Variants in RAB3C observed in about 807,000 individuals in gnomAD.
RAB3C encodes the protein RAB3C, member RAS oncogene family.
In RAB3C, 17 loss-of-function variants were observed where a neutral mutation model predicts 26.4. That is an observed-to-expected ratio of 0.64 (90% CI 0.44 to 0.97). The LOEUF is 0.97. Ranked by LOEUF, RAB3C falls within the 50% of genes least tolerant of loss-of-function variation. The pLI is 0.00. For synonymous variants in RAB3C, 91 were observed against 95.9 expected, an observed-to-expected ratio of 0.95 and a Z score of 0.30; for missense variants, 242 against 281.9, an observed-to-expected ratio of 0.86 and a Z score of 1.01.
intron 1 of RAB3C, among the ~76,000 whole-genome samples, chr5:58,614,772 C>A (rs1746790169): frequency 6.6e-6 from 1 of 152,100 alleles, no homozygotes; most frequent in Non-Finnish European, 1.5e-5. Flanking sequence ...ATAGTTCACC[C>A]TTCATATACA....
intron 1 of RAB3C, among the ~76,000 whole-genome samples, chr5:58,610,078 C>T (rs573872206): frequency 1.3e-5 from 2 of 152,062 alleles, no homozygotes; most frequent in African/African-American, 4.8e-5. Context: ...CAGGAGAAAT[C>T]GCCTGGAGTC....
chr5:58,807,013 T>C (rs1296997455), intron 3 of RAB3C, among the ~76,000 whole-genome samples: 1 of 152,112 alleles, frequency 6.6e-6, no homozygotes, highest in Admixed American at 6.6e-5. Flanking sequence ...TTAGCAAGAT[T>C]TGAATAGTGG....
At chr5:58,654,307 T>G (rs1029268628) in intron 2 of RAB3C, among the ~76,000 whole-genome samples, 1 of 152,180 alleles carries the variant, frequency 6.6e-6, no homozygotes, top group Non-Finnish European at 1.5e-5. Context: ...GGTAGAGGAT[T>G]TATGGATTCT....
At chr5:58,661,580 T>C (rs1747906287) in intron 2 of RAB3C, among the ~76,000 whole-genome samples, 2 of 148,130 alleles carry the variant, frequency 1.4e-5, no homozygotes, top group Non-Finnish European at 2.9e-5. Context: ...CTAGATGAAA[T>C]AGATCTAGCT....
At chr5:58,749,377 A>G (rs1161590657) in intron 3 of RAB3C, among the ~76,000 whole-genome samples, 1 of 152,222 alleles carries the variant, frequency 6.6e-6, no homozygotes, top group African/African-American at 2.4e-5. Flanking sequence ...TGGAGCACAC[A>G]TTCTGCTAGG....
At chr5:58,804,667 ATGTG>A (rs142259686) in intron 3 of RAB3C, among the ~76,000 whole-genome samples, 1 of 149,402 alleles carries the variant, frequency 6.7e-6, no homozygotes, top group East Asian at 2.0e-4. Flanking sequence ...TGGGGTGCAT[ATGTG>A]TGTGTGTGTG....
chr5:58,593,778 A>G (rs1746186645), intron 1 of RAB3C, among the ~76,000 whole-genome samples: 1 of 152,184 alleles, frequency 6.6e-6, no homozygotes, highest in Non-Finnish European at 1.5e-5. Context: ...TTTTGCATTC[A>G]CTAAACAATG....
At chr5:58,616,572 G>A (rs1392060362) in intron 1 of RAB3C, among the ~76,000 whole-genome samples, 1 of 152,136 alleles carries the variant, frequency 6.6e-6, no homozygotes. Context: ...TCCACCTAAA[G>A]CATTTGTAAT....
intron 4 of RAB3C, among the ~76,000 whole-genome samples, chr5:58,833,199 G>T (rs1743656136): frequency 6.6e-6 from 1 of 152,104 alleles, no homozygotes; most frequent in African/African-American, 2.4e-5. Flanking sequence ...ACAGGAAGCA[G>T]AGATTCCAAT....
At chr5:58,711,450 C>T (rs1240866723) in intron 2 of RAB3C, among the ~76,000 whole-genome samples, 2 of 152,140 alleles carry the variant, frequency 1.3e-5, no homozygotes, top group Non-Finnish European at 2.9e-5. Context: ...GAAACATGCA[C>T]AGAGAGGTTA....
rs533145407 is a variant in RAB3C, at chr5:58,718,209, GT to G, written c.253-7792del. Reference sequence around the variant, plus strand: ...TAATTAGAAGGAAAGCAAAAATGATGTCTTCTCCTGCCTTTGTGTTAAACAT... The same window carrying G: ...TAATTAGAAGGAAAGCAAAAATGATGCTTCTCCTGCCTTTGTGTTAAACAT... On this transcript the variant is annotated intron_variant, in intron 2 of 4. Coordinates refer to ENST00000282878, the MANE Select transcript of RAB3C (RefSeq NM_138453.4). Among the ~76,000 whole-genome samples the G allele has an allele frequency of 2.4e-3, 371 of 152,166 alleles. 2 individuals are homozygous for G. Among genetic ancestry groups the G allele is most frequent in the African/African-American group, 8.2e-3 (342 of 41,544 alleles).
At chr5:58,850,871 TA>T (rs2112090819) in intron 4 of RAB3C, among the ~76,000 whole-genome samples, 1 of 152,330 alleles carries the variant, frequency 6.6e-6, no homozygotes, top group Non-Finnish European at 1.5e-5. Flanking sequence ...TGCAATAGAA[TA>T]TTTTTAATCT....
At chr5:58,803,635 G>A (rs1742863674) in intron 3 of RAB3C, among the ~76,000 whole-genome samples, 1 of 152,160 alleles carries the variant, frequency 6.6e-6, no homozygotes, top group South Asian at 2.1e-4. Flanking sequence ...GCTTGAGGTG[G>A]GTGATTGATT....
At chr5:58,770,704 G>T (rs1742013950) in intron 3 of RAB3C, among the ~76,000 whole-genome samples, 1 of 151,976 alleles carries the variant, frequency 6.6e-6, no homozygotes, top group Non-Finnish European at 1.5e-5. Context: ...AAATTTGAAG[G>T]GCTAACATGA....
In RAB3C at chr5:58,814,298, T is replaced by C. The variant is rs374034153; in HGVS notation, c.372-10740T>C. 5.9e-5 allele frequency among the ~76,000 whole-genome samples: 9 copies of C among 152,198 alleles called. 1 individual carries two copies. In the East Asian group the frequency reaches 9.7e-4, roughly 16 times the overall value. ...TCCTTCTCCTTGGAAATCCCAACTCTCCCATAGGACTCCCTTGGTCCTGTC... is the reference window on the plus strand; with the variant it reads ...TCCTTCTCCTTGGAAATCCCAACTCCCCCATAGGACTCCCTTGGTCCTGTC... On this transcript the variant is annotated intron_variant, in intron 3 of 4. Coordinates refer to ENST00000282878, the MANE Select transcript of RAB3C (RefSeq NM_138453.4).
chr5:58,672,044 C>G (rs1748128618), intron 2 of RAB3C, among the ~76,000 whole-genome samples: 1 of 152,130 alleles, frequency 6.6e-6, no homozygotes, highest in Admixed American at 6.5e-5. Context: ...GGGCCATCAT[C>G]CCAGAATTTT....
At position 58,684,188 on chromosome 5, in the gene RAB3C, A is replaced by T. The variant is rs962119752; in HGVS notation, c.253-41814A>T. On this transcript the variant is annotated intron_variant, in intron 2 of 4. Transcript: ENST00000282878. ...ACTATTTACATAGCATTTACATTGT[A>T]TTAGGTATTATAAGTAATCTAGAGA... Among the ~76,000 whole-genome samples the T allele has an allele frequency of 3.3e-5, 5 of 152,226 alleles. No homozygotes were observed. In the South Asian group the frequency reaches 6.2e-4, roughly 19 times the overall value.
chr5:58,616,745 G>T (rs886577988), intron 1 of RAB3C, among the ~76,000 whole-genome samples: 7 of 152,078 alleles, frequency 4.6e-5, no homozygotes, highest in African/African-American at 1.7e-4. Flanking sequence ...ACAAACCAAG[G>T]TCACACAGCC....
At chr5:58,714,035 G>T (rs1209508577) in intron 2 of RAB3C, among the ~76,000 whole-genome samples, 1 of 152,158 alleles carries the variant, frequency 6.6e-6, no homozygotes, top group Admixed American at 6.6e-5. Flanking sequence ...ACATCACAGT[G>T]AAACTACAGA....
Sources: gnomAD v4.1 joint callset for allele counts (sites outside exome capture counted in the v4.1 genomes callset) on GRCh38, gnomAD v4.1.1 for gene constraint, MANE v1.5 for transcripts, NCBI Gene and HGNC (gene_info 2026-07-23, HGNC 2026-07-21) for gene names.